RANBP2: variants seen among roughly 807,000 people sequenced by gnomAD.
RANBP2 encodes the protein RAN binding protein 2.
Under a neutral mutation model 303.6 loss-of-function variants are expected in RANBP2, and 57 were observed. That is an observed-to-expected ratio of 0.19 (90% CI 0.15 to 0.23). The LOEUF (loss-of-function observed/expected upper bound fraction) is 0.23. RANBP2 is among the 10% of genes least tolerant of loss of function. The pLI, the probability that RANBP2 is intolerant of heterozygous loss-of-function variation, is 1.00. For missense variants in RANBP2, 3,138 were observed against 3,780.8 expected (o/e 0.83, Z 4.46); for synonymous variants, 1,167 against 1,301.5 (o/e 0.90, Z 2.23).
the RANBP2 span, among the ~76,000 whole-genome samples, chr2:109,244,783 G>A: frequency 1.3e-5 from 2 of 152,188 alleles, no homozygotes; most frequent in Admixed American, 6.5e-5. Flanking sequence ...TGTGGCCCAG[G>A]GCAGGTGCCC....
chr2:109,183,500 G>T, the RANBP2 span, among the ~76,000 whole-genome samples: 4 of 152,334 alleles, frequency 2.6e-5, no homozygotes, highest in Admixed American at 6.5e-5. Context: ...AGAGGTTTCA[G>T]TGGCCTTTTG....
chr2:108,756,395 A>G (rs1676318193), intron 17 of RANBP2, among the ~76,000 whole-genome samples: 1 of 151,716 alleles, frequency 6.6e-6, no homozygotes, highest in African/African-American at 2.4e-5. Flanking sequence ...GGAATTGGAA[A>G]TAAAAGTAGG....
At chr2:108,932,422 G>A in the RANBP2 span, among the ~76,000 whole-genome samples, 5 of 151,368 alleles carry the variant, frequency 3.3e-5, no homozygotes, top group South Asian at 4.2e-4. Flanking sequence ...CCAGCTACTC[G>A]GGAGGCTGAG....
the RANBP2 span, among the ~76,000 whole-genome samples, chr2:109,146,236 G>T: frequency 6.6e-6 from 1 of 152,082 alleles, no homozygotes; most frequent in Non-Finnish European, 1.5e-5. Flanking sequence ...ACTTAGTTCT[G>T]GCTGCTCTTA....
the RANBP2 span, among the ~76,000 whole-genome samples, chr2:109,078,243 G>A: frequency 4.7e-5 from 1 of 21,352 alleles, no homozygotes; most frequent in Non-Finnish European, 8.8e-5. Flanking sequence ...TATATATATA[G>A]CGTGTATATA....
At chr2:109,051,557 T>G in the RANBP2 span, among the ~76,000 whole-genome samples, 2 of 152,176 alleles carry the variant, frequency 1.3e-5, no homozygotes, top group African/African-American at 4.8e-5. Context: ...AAACCAATAG[T>G]TGGCATAAGT....
chr2:109,512,368 C>T, the RANBP2 span, among the ~76,000 whole-genome samples: 6 of 152,140 alleles, frequency 3.9e-5, no homozygotes, highest in Admixed American at 6.5e-5. Flanking sequence ...ACCTGATGTG[C>T]TGCAGCTGAT....
chr2:108,873,409 C>T, the RANBP2 span: 222 of 1,430,306 alleles, frequency 1.6e-4, 2 homozygotes, highest in East Asian at 5.3e-3. Context: ...TTTCCTTTTT[C>T]GCTACTCCCT....
the RANBP2 span, among the ~76,000 whole-genome samples, chr2:109,337,931 C>T: frequency 6.6e-6 from 1 of 151,880 alleles, no homozygotes; most frequent in Non-Finnish European, 1.5e-5. Context: ...GGGATTTTGC[C>T]ACGTTACCCC....
the RANBP2 span, among the ~76,000 whole-genome samples, chr2:108,812,088 T>C: frequency 1.3e-5 from 2 of 152,028 alleles, no homozygotes; most frequent in East Asian, 3.9e-4. Flanking sequence ...GTGCAAGACA[T>C]CTCTACTTGA....
chr2:109,342,405 C>T, the RANBP2 span, among the ~76,000 whole-genome samples: 167 of 152,306 alleles, frequency 1.1e-3, no homozygotes, highest in African/African-American at 3.5e-3. Flanking sequence ...AGGCCAGCAG[C>T]GGAGCATCCA....
At chr2:108,719,970 T>TGGC (rs1450740139) in intron 1 of RANBP2, 1 of 985,118 alleles carries the variant, frequency 1.0e-6, no homozygotes, top group Non-Finnish European at 1.2e-6. Context: ...CCGGGCTTTC[T>TGGC]GGCCGATCGC....
chr2:109,288,330 G>T, the RANBP2 span, among the ~76,000 whole-genome samples: 1 of 152,194 alleles, frequency 6.6e-6, no homozygotes, highest in Non-Finnish European at 1.5e-5. Flanking sequence ...CCGGGGAGTT[G>T]CCCATAGTTC....
At chr2:108,725,384 A>T (rs1158491101) in intron 1 of RANBP2, among the ~76,000 whole-genome samples, 1 of 152,204 alleles carries the variant, frequency 6.6e-6, no homozygotes, top group Non-Finnish European at 1.5e-5. Flanking sequence ...TACTTTAATA[A>T]CATAGTTGGA....
At chr2:109,210,697 G>A in the RANBP2 span, among the ~76,000 whole-genome samples, 1 of 152,194 alleles carries the variant, frequency 6.6e-6, no homozygotes, top group Non-Finnish European at 1.5e-5. Flanking sequence ...CAGGAAGGAG[G>A]TTGGGTTTTC....
At chr2:108,939,935 C>T in the RANBP2 span, among the ~76,000 whole-genome samples, 1 of 152,188 alleles carries the variant, frequency 6.6e-6, no homozygotes, top group Non-Finnish European at 1.5e-5. Flanking sequence ...GGAGACGAGG[C>T]CTCCTGCATG....
chr2:109,711,996 T>G, the RANBP2 span, among the ~76,000 whole-genome samples: 1 of 152,324 alleles, frequency 6.6e-6, no homozygotes, highest in East Asian at 1.9e-4. Flanking sequence ...CCTGGCTCCT[T>G]CCCTGTCATC....
At chr2:109,087,073 GAAGAC>G in the RANBP2 span, among the ~76,000 whole-genome samples, 6 of 152,322 alleles carry the variant, frequency 3.9e-5, no homozygotes, top group East Asian at 1.2e-3. Context: ...GGGACCCCCT[GAAGAC>G]AAGGCGAATG....
the RANBP2 span, among the ~76,000 whole-genome samples, chr2:109,118,243 A>T: frequency 6.6e-6 from 1 of 152,042 alleles, no homozygotes; most frequent in African/African-American, 2.4e-5. Flanking sequence ...TCTTTACTCC[A>T]CAAAAGACAA....
Sources: gnomAD v4.1 joint callset for allele counts (sites outside exome capture counted in the v4.1 genomes callset) on GRCh38, gnomAD v4.1.1 for gene constraint, MANE v1.5 for transcripts, NCBI Gene and HGNC (gene_info 2026-07-23, HGNC 2026-07-21) for gene names.